FBXL17: variants seen among roughly 807,000 people sequenced by gnomAD.
FBXL17 encodes F-box and leucine rich repeat protein 17.
Under a neutral mutation model 66.2 loss-of-function variants are expected in FBXL17, and 22 were observed. That is an observed-to-expected ratio of 0.33 (90% CI 0.24 to 0.47). FBXL17 has a LOEUF of 0.47. Ranked by LOEUF, FBXL17 falls within the 20% of genes least tolerant of loss-of-function variation. The probability of loss-of-function intolerance (pLI) is 1.00; values close to 1 mark genes in which losing one functional copy is unlikely to be tolerated. For missense variants in FBXL17, 878 were observed against 948.2 expected (o/e 0.93, Z 0.97); for synonymous variants, 474 against 400.5 (o/e 1.18, Z -2.19).
At chr5:108,336,573 A>C (rs1485294081) in intron 4 of FBXL17, among the ~76,000 whole-genome samples, 1 of 152,178 alleles carries the variant, frequency 6.6e-6, no homozygotes, top group African/African-American at 2.4e-5. Flanking sequence ...GAAAATATAT[A>C]ACAGGTAATC....
intron 4 of FBXL17, among the ~76,000 whole-genome samples, chr5:108,239,062 A>AT (rs550175960): frequency 0.012 from 1,744 of 147,764 alleles, 48 homozygotes; most frequent in African/African-American, 0.041. Flanking sequence ...TAACTTTGAC[A>AT]TTTTTTTTTT....
intron 3 of FBXL17, among the ~76,000 whole-genome samples, chr5:108,361,453 G>C (rs1452097396): frequency 6.6e-6 from 1 of 152,008 alleles, no homozygotes; most frequent in Non-Finnish European, 1.5e-5. Flanking sequence ...CTTCCTGCTT[G>C]TACTGGACCT....
At chr5:108,008,087 C>T (rs1313958245) in intron 7 of FBXL17, among the ~76,000 whole-genome samples, 2 of 152,130 alleles carry the variant, frequency 1.3e-5, no homozygotes, top group African/African-American at 4.8e-5. Context: ...AACAATAATA[C>T]ACTTCACAGG....
In FBXL17 at chr5:107,860,947, G is replaced by A. The variant is rs973676052; in HGVS notation, c.*773C>T. 10 of 152,134 alleles carry A rather than the reference G, an allele frequency of 6.6e-5. No homozygotes were observed. The highest frequency in any genetic ancestry group is 2.2e-4 in the African/African-American group (9 of 41,434). The allele number at this position is 152,134 out of a possible 1,614,324, so 9.4% of individuals were successfully genotyped here. On this transcript the variant is annotated 3_prime_UTR_variant, in exon 9 of 9. Coordinates refer to ENST00000542267, the MANE Select transcript of FBXL17 (RefSeq NM_001163315.3). The stretch of plus-strand genomic sequence containing the variant: ...ACCAGTTACTATCCAGGAAATAAAA[G>A]CTAACACAATGTTAACATAAAACCA...
intron 6 of FBXL17, among the ~76,000 whole-genome samples, chr5:108,163,340 C>G (rs1752284196): frequency 6.7e-6 from 1 of 148,232 alleles, no homozygotes; most frequent in Non-Finnish European, 1.5e-5. Flanking sequence ...GTTCAACTGA[C>G]AAATACACGA....
intron 7 of FBXL17, among the ~76,000 whole-genome samples, chr5:107,891,356 C>T (rs377454094): frequency 4.6e-5 from 7 of 152,030 alleles, no homozygotes; most frequent in South Asian, 2.1e-4. Context: ...AAATGGGAAG[C>T]GACTGAAATA....
At chr5:107,975,085 C>T (rs146675919) in intron 7 of FBXL17, among the ~76,000 whole-genome samples, 1 of 152,134 alleles carries the variant, frequency 6.6e-6, no homozygotes, top group African/African-American at 2.4e-5. Flanking sequence ...AGTAAAATAA[C>T]TTGAGAAAGT....
intron 1 of FBXL17, among the ~76,000 whole-genome samples, chr5:108,370,055 C>A (rs1190298564): frequency 6.6e-6 from 1 of 152,174 alleles, no homozygotes; most frequent in Non-Finnish European, 1.5e-5. Flanking sequence ...CCGGGACCAT[C>A]TAGACACATG....
chr5:107,864,609 G>A (rs772776423), intron 8 of FBXL17, among the ~76,000 whole-genome samples: 6 of 152,100 alleles, frequency 3.9e-5, no homozygotes, highest in East Asian at 3.9e-4. Flanking sequence ...TGCTGTCTTC[G>A]AGATAGTGGG....
chr5:108,009,261 TTATATA>T (rs375853217), intron 7 of FBXL17, among the ~76,000 whole-genome samples: 9 of 20,870 alleles, frequency 4.3e-4, no homozygotes, highest in Admixed American at 1.0e-3. Flanking sequence ...GTTCCCTGTT[TTATATA>T]TATATATATA....
At chr5:107,950,807 T>C (rs1024436661) in intron 7 of FBXL17, among the ~76,000 whole-genome samples, 1 of 152,166 alleles carries the variant, frequency 6.6e-6, no homozygotes, top group African/African-American at 2.4e-5. Flanking sequence ...ATAGAGCAAA[T>C]TAAGAATCAC....
At chr5:108,084,614 T>C (rs1473521318) in intron 6 of FBXL17, among the ~76,000 whole-genome samples, 1 of 152,236 alleles carries the variant, frequency 6.6e-6, no homozygotes, top group East Asian at 1.9e-4. Context: ...TAAATAATTT[T>C]CTGAAAGAAC....
chr5:108,331,280 A>AT (rs539682571), intron 4 of FBXL17, among the ~76,000 whole-genome samples: 75 of 152,346 alleles, frequency 4.9e-4, no homozygotes, highest in African/African-American at 1.8e-3. Flanking sequence ...GTATGAAGGC[A>AT]GATATGAGCA....
At chr5:108,373,775 A>T (rs1255225037) in intron 1 of FBXL17, among the ~76,000 whole-genome samples, 1 of 151,966 alleles carries the variant, frequency 6.6e-6, no homozygotes, top group Non-Finnish European at 1.5e-5. Context: ...AAAATTAGCC[A>T]GCCATAGTGG....
intron 3 of FBXL17, among the ~76,000 whole-genome samples, chr5:108,357,314 C>G (rs1276001185): frequency 6.6e-6 from 1 of 151,980 alleles, no homozygotes; most frequent in Non-Finnish European, 1.5e-5. Flanking sequence ...ATGTATTCAT[C>G]TCACAAAAGA....
chr5:108,375,046 CAA>C (rs1749325180), intron 1 of FBXL17, among the ~76,000 whole-genome samples: 1 of 151,668 alleles, frequency 6.6e-6, no homozygotes, highest in African/African-American at 2.4e-5. Flanking sequence ...TCAACAAAAC[CAA>C]AAGTTTATTC....
At chr5:108,294,310 TACTG>T (rs1419707813) in intron 4 of FBXL17, among the ~76,000 whole-genome samples, 1 of 148,872 alleles carries the variant, frequency 6.7e-6, no homozygotes, top group African/African-American at 2.4e-5. Context: ...TATATACACT[TACTG>T]ACAGTAGTGT....
chr5:108,067,400 AC>A (rs929341791), intron 6 of FBXL17, among the ~76,000 whole-genome samples: 3 of 152,168 alleles, frequency 2.0e-5, no homozygotes, highest in Non-Finnish European at 4.4e-5. Context: ...AAATAAACAA[AC>A]AGGCAAAAAA....
chr5:107,917,017 A>G (rs893393026), intron 7 of FBXL17, among the ~76,000 whole-genome samples: 2 of 152,190 alleles, frequency 1.3e-5, no homozygotes, highest in African/African-American at 4.8e-5. Context: ...GCCTGTCAGT[A>G]TATTTCTATC....
Sources: allele counts gnomAD v4.1 joint callset (sites outside exome capture counted in the v4.1 genomes callset), GRCh38; gene constraint gnomAD v4.1.1; transcripts MANE v1.5; gene names NCBI Gene and HGNC (gene_info 2026-07-23, HGNC 2026-07-21).